PLEKHA4: variants seen among roughly 807,000 people sequenced by gnomAD.
The protein encoded by PLEKHA4 is pleckstrin homology domain-containing family A member 4.
PLEKHA4 carries 73 observed loss-of-function variants against 94.7 expected under a neutral mutation model. The observed-to-expected ratio is 0.77, with a 90% CI of 0.64 to 0.94. PLEKHA4 has a LOEUF of 0.94. PLEKHA4 is among the 40% of genes least tolerant of loss of function. The pLI is 0.00. For missense variants in PLEKHA4, 1,049 were observed against 1,054.1 expected (o/e 1.00, Z 0.07); for synonymous variants, 449 against 437.1 (o/e 1.03, Z -0.34).
rs759702234 is a variant in PLEKHA4 at position 48,857,403 on chromosome 19, G to T, written c.1047+19C>A. 8 of 1,368,218 alleles carry T rather than the reference G, an allele frequency of 5.8e-6. No individual in the cohort carries two copies. The Admixed American group carries it at 1.5e-4, about 25-fold the overall frequency. The allele number at this position is 1,368,218 out of a possible 1,614,324, so 84.8% of individuals were successfully genotyped here. A position where few individuals can be genotyped will look rare whatever the true frequency, so the allele number is the denominator to read the frequency against. On this transcript the variant is annotated intron_variant, in intron 9 of 19. Transcript: ENST00000263265. ...AGGGAGGGGGCTCCGGTAGATTTAG[G>T]GTACTCCAGGATACCTACCAATAAA...
chr19:48,864,723 G>C (rs2036771029), intron 3 of PLEKHA4, among the ~76,000 whole-genome samples: 1 of 151,798 alleles, frequency 6.6e-6, no homozygotes, highest in Non-Finnish European at 1.5e-5. Flanking sequence ...ACCACGCTCA[G>C]CTAGGTTTTG....
At position 48,860,398 on chromosome 19, in the gene PLEKHA4, C is replaced by A. The variant is rs1016975907; in HGVS notation, c.428G>T (p.Gly143Val). Residue 143 changes from glycine (G) to valine (V), a missense_variant, in exon 6 of 20, where the codon GGC becomes GTC. Coordinates refer to ENST00000263265, the MANE Select transcript of PLEKHA4 (RefSeq NM_020904.3). Reference sequence around the variant, plus strand: ...GGCCCGGCCCAGCGCCCGTAGCCAGCCCCGCAGGTCTTCTAAGGTGTCAGC... The same window carrying A: ...GGCCCGGCCCAGCGCCCGTAGCCAGACCCGCAGGTCTTCTAAGGTGTCAGC... ...LAADTLEDLR[G>V]WLRALGRASR... 2 of 1,613,998 alleles carry A rather than the reference C, an allele frequency of 1.2e-6. No individual in the cohort carries two copies. The highest frequency in any genetic ancestry group is 2.7e-5 in the African/African-American group (2 of 74,916).
intron 13 of PLEKHA4, among the ~76,000 whole-genome samples, chr19:48,848,729 G>A (rs866650796): frequency 1.5e-4 from 22 of 151,258 alleles, no homozygotes; most frequent in African/African-American, 4.6e-4. Flanking sequence ...CCCAGGAGGT[G>A]GAGGTTGCAG....
intron 16 of PLEKHA4, chr19:48,845,129 G>C: frequency 2.2e-6 from 1 of 455,686 alleles, no homozygotes; most frequent in Non-Finnish European, 4.0e-6. Context: ...TAGGTGGTAG[G>C]TTCTGCTATT....
chr19:48,856,949 GAGAA>G (rs111377309), intron 9 of PLEKHA4, among the ~76,000 whole-genome samples: 32,479 of 139,660 alleles, frequency 0.23, 6,535 homozygotes, highest in African/African-American at 0.55. Context: ...GAAAAAGAAA[GAGAA>G]AGAAAGAAAG....
Position 48,837,353 on chromosome 19 carries a change from GGAGGGGCGATCCCGGC to G in PLEKHA4, c.2260_2275del (p.Ala754ArgfsTer77), listed in dbSNP as rs766680552. 6.2e-7 allele frequency: 1 copy of G among 1,613,786 alleles called. No homozygotes were observed. Among genetic ancestry groups the G allele is most frequent in the Non-Finnish European group, 8.5e-7 (1 of 1,180,016 alleles). On this transcript the variant is annotated frameshift_variant, in exon 20 of 20. Coordinates refer to ENST00000263265, the MANE Select transcript of PLEKHA4 (RefSeq NM_020904.3). LOFTEE classifies it high-confidence loss of function. This position sits in a 1 kb window ranked among gnomAD's most constrained non-coding sequence, Gnocchi z 4.3. ...TGCCCCCTCGTCTTGTGGCAGGACC[GGAGGGGCGATCCCGGC>G]ATCCCACGCGGGCCCCCAGGGGGTG...
Position 48,859,524 on chromosome 19 carries a change from T to C in PLEKHA4, c.637A>G (p.Ser213Gly), listed in dbSNP as rs779443668. ...CCAGAGTGGAGGTCGGTTGTGGGGCTGGGAGTGAGCAGCCTGGGTCTACCA... is the reference window on the plus strand; with the variant it reads ...CCAGAGTGGAGGTCGGTTGTGGGGCCGGGAGTGAGCAGCCTGGGTCTACCA... ...GRGRPRLLTP[S>G]PTTDLHSGLQ... The change falls in exon 7 of 20, where the codon AGC (serine) becomes GGC (glycine). Residue 213 changes from serine to glycine, a missense_variant. Ser to Gly is a moderately conservative substitution (Grantham distance 56). Coordinates refer to ENST00000263265, the MANE Select transcript of PLEKHA4 (RefSeq NM_020904.3). 3.1e-6 allele frequency: 5 copies of C among 1,614,022 alleles called. No individual in the cohort carries two copies. Among genetic ancestry groups the C allele is most frequent in the Non-Finnish European group, 4.2e-6 (5 of 1,180,010 alleles).
chr19:48,852,733 G>A (rs2036244756), intron 12 of PLEKHA4, among the ~76,000 whole-genome samples: 1 of 152,046 alleles, frequency 6.6e-6, no homozygotes, highest in Non-Finnish European at 1.5e-5. Context: ...AGGAGTTCGA[G>A]ACCACCCTGG....
At chr19:48,840,788 C>T (rs2035732026) in intron 17 of PLEKHA4, among the ~76,000 whole-genome samples, 1 of 152,160 alleles carries the variant, frequency 6.6e-6, no homozygotes, top group Non-Finnish European at 1.5e-5. Flanking sequence ...ATGTTCAGAT[C>T]TGGGACGTTC....
chr19:48,853,499 C>T (rs1469475729), intron 12 of PLEKHA4, among the ~76,000 whole-genome samples, 183 bp downstream of exon 12: 2 of 127,214 alleles, frequency 1.6e-5, no homozygotes, highest in Non-Finnish European at 3.2e-5. Flanking sequence ...ACTCTGTCCC[C>T]CCCAAAAAAA....
Position 48,868,411 on chromosome 19 carries a change from G to A in PLEKHA4, c.-335C>T, listed in dbSNP as rs890865703. The A allele has an allele frequency of 5.3e-5, 8 of 150,114 alleles. No homozygotes were observed. The highest frequency in any genetic ancestry group is 1.0e-4 in the Non-Finnish European group (7 of 67,722). The allele number at this position is 150,114 out of a possible 1,614,324, so 9.3% of individuals were successfully genotyped here. ...TTTCTGTCCAAATCTTTTATTGTCA[G>A]ACTCACAGGGTCTCTTCCTTAAGTC... On this transcript the variant is annotated 5_prime_UTR_variant, in exon 1 of 20. Coordinates refer to ENST00000263265, the MANE Select transcript of PLEKHA4 (RefSeq NM_020904.3).
Position 48,867,414 on chromosome 19 carries a change from C to T in PLEKHA4, c.84+123G>A. 4 of 1,139,386 alleles carry T rather than the reference C, an allele frequency of 3.5e-6. No homozygotes were observed. The South Asian group carries it at 5.8e-5, about 17-fold the overall frequency. 70.6% of individuals were successfully genotyped at this position (1,139,386 alleles called of 1,614,324 possible). A position where few individuals can be genotyped will look rare whatever the true frequency, so the allele number is the denominator to read the frequency against. On this transcript the variant is annotated intron_variant, in intron 2 of 19. Transcript: ENST00000263265. The surrounding 1 kb of genome is among the most constrained non-coding windows in gnomAD (Gnocchi z 4.7). ...GGTGTGTAGGCAATTTGGGACCTTA[C>T]TATGTCTGGCAGACCCCGTTGCTAA...
rs945233867 is a variant in PLEKHA4, at chr19:48,850,758, G to A, written c.1425+1470C>T. Among the ~76,000 whole-genome samples the A allele has an allele frequency of 2.8e-4, 43 of 151,050 alleles. No homozygotes were observed. In the Middle Eastern group the frequency reaches 0.011, roughly 37 times the overall value. ...CTTGAACCTGGGAGGCGGATGTTGC[G>A]GTGAACCGAGATTGCACCATTGCAC... On this transcript the variant is annotated intron_variant, in intron 13 of 19. Coordinates refer to ENST00000263265, the MANE Select transcript of PLEKHA4 (RefSeq NM_020904.3).
At chr19:48,843,449 G>T (rs369436974) in intron 16 of PLEKHA4, among the ~76,000 whole-genome samples, 3 of 151,916 alleles carry the variant, frequency 2.0e-5, no homozygotes, top group South Asian at 2.1e-4. Flanking sequence ...AAAGTGCTGG[G>T]ATTACAGGCG....
chr19:48,851,951 CAAAT>C lies in PLEKHA4; in HGVS notation c.1425+273_1425+276del, dbSNP rs770745062. On this transcript the variant is annotated intron_variant, in intron 13 of 19. Transcript: ENST00000263265. Reference sequence around the variant, plus strand: ...AGAGTGAGACTGTCTTAAAAACAAACAAATAAACAACTTTACAGCAGAAATTAGA... The same window carrying C: ...AGAGTGAGACTGTCTTAAAAACAAACAAACAACTTTACAGCAGAAATTAGA... 5.5e-4 allele frequency among the ~76,000 whole-genome samples: 84 copies of C among 151,996 alleles called. 1 individual carries two copies. The highest frequency in any genetic ancestry group is 1.8e-3 in the African/African-American group (76 of 41,448).
Position 48,838,142 on chromosome 19 carries a change from A to AG in PLEKHA4, c.1965-14dup. The AG allele has an allele frequency of 6.8e-7, 1 of 1,472,578 alleles. No homozygotes were observed. The highest frequency in any genetic ancestry group is 9.4e-7 in the Non-Finnish European group (1 of 1,058,854). 91.2% of individuals were successfully genotyped at this position (1,472,578 alleles called of 1,614,324 possible). ...GGTGTTCCTTGGACTAGAAAAAAAA[A>AG]GAAGATTGGGGGTGGGGGTGTGTAC... On this transcript the variant is annotated splice_polypyrimidine_tract_variant and intron_variant, in intron 18 of 19. Coordinates refer to ENST00000263265, the MANE Select transcript of PLEKHA4 (RefSeq NM_020904.3).
Position 48,867,122 on chromosome 19 carries a change from T to C in PLEKHA4, c.84+415A>G, listed in dbSNP as rs1568558086. ...GGGATGCCGATTTGGGATGCAAGTA[T>C]CTGGAGGCCCCTTGGGTCTTATTGT... On this transcript the variant is annotated intron_variant, in intron 2 of 19. Coordinates refer to ENST00000263265, the MANE Select transcript of PLEKHA4 (RefSeq NM_020904.3). This position sits in a 1 kb window ranked among gnomAD's most constrained non-coding sequence, Gnocchi z 4.7. Among the ~76,000 whole-genome samples the C allele has an allele frequency of 6.6e-6, 1 of 152,144 alleles. No homozygotes were observed. Among genetic ancestry groups the C allele is most frequent in the Non-Finnish European group, 1.5e-5 (1 of 68,032 alleles).
At chr19:48,838,441 A>C (rs2035625660) in intron 18 of PLEKHA4, 1 of 152,692 alleles carries the variant, frequency 6.5e-6, no homozygotes, top group African/African-American at 2.7e-5. Context: ...CCTAGTATGT[A>C]CCAACAAAAA....
At chr19:48,861,556 T>C in intron 4 of PLEKHA4, 55 bp from the exon 5 acceptor site, 1 of 1,612,348 alleles carries the variant, frequency 6.2e-7, no homozygotes, top group Middle Eastern at 1.7e-4. Flanking sequence ...GCCAAGATGC[T>C]AGAGAGAAGG....
Sources: gnomAD v4.1 joint callset for allele counts (sites outside exome capture counted in the v4.1 genomes callset) on GRCh38, gnomAD v4.1.1 for gene constraint, Gnocchi (gnomAD v3.1) non-coding constraint, MANE v1.5 for transcripts, NCBI Gene and HGNC (gene_info 2026-07-23, HGNC 2026-07-21) for gene names.